HS6ST3: variants seen among roughly 807,000 people sequenced by gnomAD.
The protein encoded by HS6ST3 is heparan-sulfate 6-O-sulfotransferase 3.
In HS6ST3, 12 loss-of-function variants were observed where a neutral mutation model predicts 36.7. The observed-to-expected ratio is 0.33, with a 90% CI of 0.21 to 0.53. The LOEUF (loss-of-function observed/expected upper bound fraction) is 0.53, where lower values mean the gene tolerates loss of function less well. Ranked by LOEUF, HS6ST3 falls within the 20% of genes least tolerant of loss-of-function variation. HS6ST3 has a pLI of 0.95. For synonymous variants in HS6ST3, 240 were observed against 257.5 expected (o/e 0.93, Z 0.65); for missense variants, 584 against 640.9 (o/e 0.91, Z 0.96).
intron 1 of HS6ST3, among the ~76,000 whole-genome samples, chr13:96,206,468 T>A (rs1167557623): frequency 1.3e-5 from 2 of 152,112 alleles, no homozygotes; most frequent in Non-Finnish European, 2.9e-5. Context: ...TTTAAAAATT[T>A]ATGTGGAACC....
chr13:96,389,602 G>A (rs191450426), intron 1 of HS6ST3, among the ~76,000 whole-genome samples: 102 of 152,126 alleles, frequency 6.7e-4, no homozygotes, highest in Admixed American at 2.6e-3. Flanking sequence ...GGGAATTTCC[G>A]TCTCCCTAAA....
At chr13:96,815,208 G>A (rs1460581152) in intron 1 of HS6ST3, among the ~76,000 whole-genome samples, 1 of 152,122 alleles carries the variant, frequency 6.6e-6, no homozygotes, top group Non-Finnish European at 1.5e-5. Flanking sequence ...CTTCTCTTTC[G>A]TCTGGAAGTC....
chr13:96,570,657 A>G (rs2056297703), intron 1 of HS6ST3, among the ~76,000 whole-genome samples: 1 of 152,166 alleles, frequency 6.6e-6, no homozygotes, highest in South Asian at 2.1e-4. Context: ...CCTACTTTAT[A>G]CCCAATGGGG....
At chr13:96,095,667 A>G (rs976915311) in intron 1 of HS6ST3, among the ~76,000 whole-genome samples, 2 of 152,170 alleles carry the variant, frequency 1.3e-5, no homozygotes, top group East Asian at 3.9e-4. Context: ...CAAGATGGGC[A>G]AATGTTCTTC....
chr13:96,809,276 T>C (rs576065938), intron 1 of HS6ST3, among the ~76,000 whole-genome samples: 3 of 152,310 alleles, frequency 2.0e-5, no homozygotes, highest in African/African-American at 4.8e-5. Context: ...CTGAGAATTA[T>C]GTTTGGCAGA....
chr13:96,734,231 A>G (rs1000507759), intron 1 of HS6ST3, among the ~76,000 whole-genome samples: 3 of 152,224 alleles, frequency 2.0e-5, no homozygotes, highest in African/African-American at 7.2e-5. Flanking sequence ...ACTCACAAGT[A>G]AGTGCTGCAC....
intron 1 of HS6ST3, among the ~76,000 whole-genome samples, chr13:96,536,465 A>T (rs936954786): frequency 6.6e-6 from 1 of 152,234 alleles, no homozygotes; most frequent in Admixed American, 6.5e-5. Flanking sequence ...CTCTGTGTGC[A>T]TAACACACAC....
At chr13:96,739,796 C>T (rs1403920823) in intron 1 of HS6ST3, among the ~76,000 whole-genome samples, 1 of 152,182 alleles carries the variant, frequency 6.6e-6, no homozygotes, top group Non-Finnish European at 1.5e-5. Context: ...TCACTCCTTG[C>T]TCAAAACCCT....
chr13:96,150,471 G>A (rs1257255733), intron 1 of HS6ST3, among the ~76,000 whole-genome samples: 1 of 152,094 alleles, frequency 6.6e-6, no homozygotes, highest in Non-Finnish European at 1.5e-5. Context: ...GTCCCTGTCT[G>A]CGTAGGAATT....
At chr13:96,484,197 TA>T (rs1191156379) in intron 1 of HS6ST3, among the ~76,000 whole-genome samples, 3 of 152,146 alleles carry the variant, frequency 2.0e-5, no homozygotes, top group Non-Finnish European at 4.4e-5. Flanking sequence ...GTTTAAAGTG[TA>T]AAACTTAATG....
At chr13:96,745,354 C>T (rs1191661112) in intron 1 of HS6ST3, among the ~76,000 whole-genome samples, 1 of 151,996 alleles carries the variant, frequency 6.6e-6, no homozygotes, top group Admixed American at 6.6e-5. Context: ...AGATAAAGTG[C>T]AAAACAACGG....
At chr13:96,799,948 ATATATATATATATATGTG>A (rs1180470868) in intron 1 of HS6ST3, among the ~76,000 whole-genome samples, 3 of 101,248 alleles carry the variant, frequency 3.0e-5, no homozygotes, top group African/African-American at 9.4e-5. Context: ...GTGTGTGTAT[ATATATATATATATATGTG>A]TATATATATA....
chr13:96,577,938 T>C (rs2056327872), intron 1 of HS6ST3, among the ~76,000 whole-genome samples: 3 of 152,200 alleles, frequency 2.0e-5, no homozygotes, highest in African/African-American at 7.2e-5. Context: ...TATAGATCTT[T>C]TTAATTACAT....
intron 1 of HS6ST3, among the ~76,000 whole-genome samples, chr13:96,273,118 T>C (rs956060644): frequency 6.6e-6 from 1 of 151,962 alleles, no homozygotes; most frequent in African/African-American, 2.4e-5. Context: ...AAAATTGATA[T>C]ACAGTTAAGG....
chr13:96,110,873 A>T (rs1424922706), intron 1 of HS6ST3, among the ~76,000 whole-genome samples: 5 of 152,156 alleles, frequency 3.3e-5, no homozygotes, highest in Non-Finnish European at 7.4e-5. Flanking sequence ...AAGACTTCAG[A>T]AGCAGTAATT....
At chr13:96,667,646 G>A (rs1244161029) in intron 1 of HS6ST3, among the ~76,000 whole-genome samples, 2 of 152,122 alleles carry the variant, frequency 1.3e-5, no homozygotes, top group Non-Finnish European at 2.9e-5. Context: ...AGACAAATCT[G>A]ATGGCTTGAT....
chr13:96,382,117 G>A (rs2055344484), intron 1 of HS6ST3, among the ~76,000 whole-genome samples: 1 of 152,142 alleles, frequency 6.6e-6, no homozygotes, highest in Admixed American at 6.5e-5. Flanking sequence ...AGCAGGAGCT[G>A]CGTTTGGTCC....
intron 1 of HS6ST3, among the ~76,000 whole-genome samples, chr13:96,116,003 G>T (rs1379696491): frequency 1.3e-5 from 2 of 152,194 alleles, no homozygotes; most frequent in East Asian, 3.9e-4. Flanking sequence ...GATCAGTGAT[G>T]TTGAGCTTTT....
intron 1 of HS6ST3, among the ~76,000 whole-genome samples, chr13:96,311,301 A>G (rs145946392): frequency 3.7e-4 from 57 of 152,260 alleles, no homozygotes; most frequent in Admixed American, 9.2e-4. Context: ...TTTCATTTCT[A>G]TCCTCTCAGT....
Sources: allele counts gnomAD v4.1 joint callset (sites outside exome capture counted in the v4.1 genomes callset), GRCh38; gene constraint gnomAD v4.1.1; transcripts MANE v1.5; gene names NCBI Gene and HGNC (gene_info 2026-07-23, HGNC 2026-07-21).